Variants in NAA16 observed in about 807,000 individuals in gnomAD.
NAA16 encodes the protein NARG1-like protein.
In NAA16, 97 loss-of-function variants were observed where a neutral mutation model predicts 110.3. The ratio of observed to expected loss-of-function variants is 0.88; its 90% confidence interval spans 0.75 to 1.04. NAA16 has a LOEUF of 1.04. Among genes scored for constraint, NAA16 ranks in the 50% least tolerant of loss-of-function variants. The probability of loss-of-function intolerance (pLI) is 0.00; values close to 1 mark genes in which losing one functional copy is unlikely to be tolerated. For synonymous variants in NAA16, 372 were observed against 330.6 expected (o/e 1.13, Z -1.36); for missense variants, 1,017 against 1,005.1 (o/e 1.01, Z -0.16).
In NAA16 at chr13:41,347,223, AAAAACAAAAAC is replaced by A. The variant is rs1417411422; in HGVS notation, c.1015-7916_1015-7906del. Among the ~76,000 whole-genome samples, 2 of 19,370 alleles carry A rather than the reference AAAAACAAAAAC, an allele frequency of 1.0e-4. 1 individual carries two copies. The highest frequency in any genetic ancestry group is 1.7e-4 in the Non-Finnish European group (2 of 11,678). 12.7% of individuals were successfully genotyped at this position (19,370 alleles called of 152,430 possible). On this transcript the variant is annotated intron_variant, in intron 9 of 19. Transcript: ENST00000379406. ...GAGCGAGACTCCGTCTCAAAAAAAA[AAAAACAAAAAC>A]AAAAACAAAAAAAGAAATCAGGAAG...
At chr13:41,311,731 T>C in intron 1 of NAA16, 149 bp downstream of exon 1, 1 of 721,154 alleles carries the variant, frequency 1.4e-6, no homozygotes, top group South Asian at 1.8e-5. Flanking sequence ...GGACCCCACT[T>C]TCCCGCTCCG....
intron 9 of NAA16, among the ~76,000 whole-genome samples, chr13:41,348,100 GT>G (rs545516736): frequency 1.6e-4 from 24 of 150,970 alleles, no homozygotes; most frequent in East Asian, 7.7e-4. Flanking sequence ...GATTATGTAG[GT>G]TTTTTTTTAA....
rs1206280893 is a variant in NAA16 at position 41,376,110 on chromosome 13, T to A, written c.*508T>A. The A allele has an allele frequency of 6.6e-6, 1 of 152,454 alleles. No individual in the cohort carries two copies. The highest frequency in any genetic ancestry group is 6.5e-5 in the Admixed American group (1 of 15,276). 9.4% of individuals were successfully genotyped at this position (152,454 alleles called of 1,614,324 possible). Reference sequence around the variant, plus strand: ...ATCGAGATCAGCCTGGCCAACATGGTGAAACCCCTTCTCTACTGAAAATAC... The same window carrying A: ...ATCGAGATCAGCCTGGCCAACATGGAGAAACCCCTTCTCTACTGAAAATAC... On this transcript the variant is annotated 3_prime_UTR_variant, in exon 20 of 20. Transcript: ENST00000379406.
intron 16 of NAA16, 94 bp from the exon 17 acceptor site, chr13:41,372,638 C>T (rs2043344808): frequency 7.5e-7 from 1 of 1,341,098 alleles, no homozygotes. Flanking sequence ...AAAAAGGTAG[C>T]ATTTTGTTGT....
At chr13:41,322,803 A>G (rs1283044065) in intron 4 of NAA16, among the ~76,000 whole-genome samples, 1 of 152,214 alleles carries the variant, frequency 6.6e-6, no homozygotes, top group Non-Finnish European at 1.5e-5. Context: ...CATTATTTAA[A>G]TGTAATTTAA....
In NAA16 at chr13:41,349,193, A is replaced by G. The variant is rs1000027487; in HGVS notation, c.1015-5951A>G. ...ATTTTTTTTTCTTTTTCTTTTTTAA[A>G]TCTTTGTTTAGAGACTGGGTCTTGC... On this transcript the variant is annotated intron_variant, in intron 9 of 19. Coordinates refer to ENST00000379406, the MANE Select transcript of NAA16 (RefSeq NM_024561.5). Among the ~76,000 whole-genome samples, 4 of 151,136 alleles carry G rather than the reference A, an allele frequency of 2.6e-5. No individual in the cohort carries two copies. The East Asian group carries it at 7.7e-4, about 29-fold the overall frequency.
chr13:41,354,706 C>G (rs2042934207), intron 9 of NAA16: 2 of 152,400 alleles, frequency 1.3e-5, no homozygotes, highest in Admixed American at 6.5e-5. Flanking sequence ...GTTAAGAAAC[C>G]CCGTAATTAT....
rs772921450 is a variant in NAA16, at chr13:41,375,550, A to T, written c.2543A>T (p.Asn848Ile). Residue 848 changes from asparagine (N) to isoleucine (I), a missense_variant, in exon 20 of 20, where the codon AAT (asparagine) becomes ATT (isoleucine). Transcript: ENST00000379406. ...GCTGTGAATGAAGTCGACAATCCTA[A>T]TGTGGCACTGAACCATACAGCTAAT... is the stretch of plus-strand genomic sequence containing the variant. Reference protein sequence around the residue: ...LPAVNEVDNPNVALNHTANYD... With the variant: ...LPAVNEVDNPIVALNHTANYD... 1 of 1,613,990 alleles carries T rather than the reference A, an allele frequency of 6.2e-7. No homozygotes were observed. Among genetic ancestry groups the T allele is most frequent in the African/African-American group, 1.3e-5 (1 of 74,918 alleles).
intron 9 of NAA16, among the ~76,000 whole-genome samples, chr13:41,339,209 C>T (rs963158246): frequency 3.3e-5 from 5 of 152,066 alleles, no homozygotes; most frequent in South Asian, 2.1e-4. Flanking sequence ...GGCATAATCT[C>T]GCCTCACCGA....
At chr13:41,325,587 G>T in intron 5 of NAA16, 111 bp from the exon 6 acceptor site, 1 of 551,496 alleles carries the variant, frequency 1.8e-6, no homozygotes, top group South Asian at 3.5e-5. Context: ...TCTGCTTGTG[G>T]GTTGCTTTCT....
intron 15 of NAA16, among the ~76,000 whole-genome samples, chr13:41,370,813 C>T (rs528435375): frequency 6.6e-6 from 1 of 152,152 alleles, no homozygotes; most frequent in South Asian, 2.1e-4. Context: ...CTTTAAGGCT[C>T]ATTATGCCTG....
At chr13:41,321,110 G>A (rs2041934021) in intron 4 of NAA16, among the ~76,000 whole-genome samples, 1 of 152,136 alleles carries the variant, frequency 6.6e-6, no homozygotes, top group African/African-American at 2.4e-5. Context: ...AACCAGCCTG[G>A]GCAACATAGG....
rs7994333 is a variant in NAA16, at chr13:41,324,255, A to G, written c.537+1065A>G. Among the ~76,000 whole-genome samples the G allele has an allele frequency of 3.0e-3, 453 of 152,224 alleles. 4 individuals carry two copies. Among genetic ancestry groups the G allele is most frequent in the African/African-American group, 0.01 (435 of 41,542 alleles). On this transcript the variant is annotated intron_variant, in intron 5 of 19. Transcript: ENST00000379406. ...TTATCCAAGAATCAAGTTCTGACCA[A>G]AAGATAGTACTGTATCACATTTGGT... is the stretch of plus-strand genomic sequence containing the variant.
At chr13:41,347,979 A>G (rs1169564097) in intron 9 of NAA16, among the ~76,000 whole-genome samples, 1 of 152,068 alleles carries the variant, frequency 6.6e-6, no homozygotes, top group Non-Finnish European at 1.5e-5. Flanking sequence ...GGTTTTTCAT[A>G]TATGTCCTTT....
chr13:41,369,902 G>A (rs149090341), intron 15 of NAA16, among the ~76,000 whole-genome samples: 72 of 152,244 alleles, frequency 4.7e-4, no homozygotes, highest in Admixed American at 1.5e-3. Flanking sequence ...TAACCTATAA[G>A]AACTATAACA....
At chr13:41,320,893 A>G (rs1025735715) in intron 4 of NAA16, 69 bp downstream of exon 4, 1 of 1,421,706 alleles carries the variant, frequency 7.0e-7, no homozygotes, top group Non-Finnish European at 9.4e-7. Flanking sequence ...TCATTTCAGA[A>G]TGAGGTGAGC....
rs770037485 is a variant in NAA16, at chr13:41,375,422, T to A, written c.2415T>A (p.Ser805=). 18 of 1,613,304 alleles carry A rather than the reference T, an allele frequency of 1.1e-5. No homozygotes were observed. The East Asian group carries it at 3.8e-4, about 34-fold the overall frequency. The change falls in exon 20 of 20, where the codon TCT becomes TCA. Residue 805 remains serine (S), a synonymous_variant. Coordinates refer to ENST00000379406, the MANE Select transcript of NAA16 (RefSeq NM_024561.5). ...DKDVKTLIKV[S]EALLDGSFGN... is the part of the protein sequence containing the mutation. ...TTCACTAGACATTAATAAAGGTTTCTGAAGCACTGCTTGATGGCAGCTTTG... is the reference window on the plus strand; with the variant it reads ...TTCACTAGACATTAATAAAGGTTTCAGAAGCACTGCTTGATGGCAGCTTTG...
chr13:41,328,617 A>G lies in NAA16; in HGVS notation c.692-107A>G, dbSNP rs8002316. The stretch of plus-strand genomic sequence containing the variant: ...ACATGCCCAAAGGGGAAGCATACAG[A>G]GTTCTGTCTTTTTAACCATCTGTTC... On this transcript the variant is annotated intron_variant, in intron 6 of 19. Transcript: ENST00000379406. The G allele has an allele frequency of 7.5e-4, 669 of 896,346 alleles. 7 individuals carry two copies. The African/African-American group carries it at 0.01, about 14-fold the overall frequency. 55.5% of individuals were successfully genotyped at this position (896,346 alleles called of 1,614,324 possible).
intron 14 of NAA16, 105 bp from the exon 15 acceptor site, chr13:41,368,985 C>T: frequency 1.1e-6 from 1 of 929,394 alleles, no homozygotes; most frequent in South Asian, 2.1e-5. Flanking sequence ...TGAACCAATC[C>T]CCCACTGATA....
Sources: gnomAD v4.1 joint callset for allele counts (sites outside exome capture counted in the v4.1 genomes callset) on GRCh38, gnomAD v4.1.1 for gene constraint, MANE v1.5 for transcripts, NCBI Gene and HGNC (gene_info 2026-07-23, HGNC 2026-07-21) for gene names.